The following MELTF variants were observed in gnomAD, a reference collection of about 807,000 sequenced individuals.
MELTF encodes the protein melanotransferrin.
In MELTF, 67 loss-of-function variants were observed where a neutral mutation model predicts 83.7. The ratio of observed to expected loss-of-function variants is 0.80; its 90% CI spans 0.66 to 0.98. The LOEUF is 0.98. Among genes scored for constraint, MELTF ranks in the 50% least tolerant of loss-of-function variants. The pLI is 0.00. For missense variants in MELTF, 1,002 were observed against 1,035.6 expected (o/e 0.97, Z 0.44); for synonymous variants, 462 against 447.6 (o/e 1.03, Z -0.41).
chr3:197,020,276 C>T (rs1438232611), intron 6 of MELTF, among the ~76,000 whole-genome samples: 5 of 152,164 alleles, frequency 3.3e-5, no homozygotes, highest in Non-Finnish European at 7.3e-5. Context: ...AGGTCCTGGT[C>T]TGCAAGAAAT....
chr3:197,017,339 C>G, intron 6 of MELTF, 49 bp from the exon 7 acceptor site: 1 of 1,450,472 alleles, frequency 6.9e-7, no homozygotes, highest in South Asian at 1.4e-5. Context: ...GGGGTTGGGG[C>G]GGGTGGCGGG....
chr3:197,013,113 T>C lies in MELTF; in HGVS notation c.1233+2252A>G, dbSNP rs1401578041. Among the ~76,000 whole-genome samples the C allele has an allele frequency of 2.0e-5, 3 of 152,346 alleles. No individual in the cohort carries two copies. In the East Asian group the frequency reaches 5.8e-4, roughly 29 times the overall value. The stretch of plus-strand genomic sequence containing the variant: ...CTTTGTATGGAACCACAAGGGACCC[T>C]GAATAGCCAAAGCAATCCTAAGCAA... On this transcript the variant is annotated intron_variant, in intron 9 of 15. Transcript: ENST00000296350.
At chr3:197,010,213 G>T (rs1476926249) in intron 10 of MELTF, among the ~76,000 whole-genome samples, 2 of 152,190 alleles carry the variant, frequency 1.3e-5, no homozygotes, top group African/African-American at 4.8e-5. Context: ...GGCCTCTGAG[G>T]TCACCAGTAA....
At chr3:197,012,153 C>A (rs1719209101) in intron 9 of MELTF, among the ~76,000 whole-genome samples, 2 of 152,218 alleles carry the variant, frequency 1.3e-5, no homozygotes, top group South Asian at 4.1e-4. Flanking sequence ...CCGCCTCGGG[C>A]CTGGGCACTC....
intron 6 of MELTF, chr3:197,019,438 G>A (rs1208099875): frequency 1.4e-6 from 2 of 1,410,596 alleles, no homozygotes; most frequent in Admixed American, 2.6e-5. Flanking sequence ...GATTGCCTCA[G>A]ATTACCATCA....
chr3:197,020,487 A>ATG (rs1719575207), intron 6 of MELTF, among the ~76,000 whole-genome samples: 1 of 140,528 alleles, frequency 7.1e-6, no homozygotes, highest in Non-Finnish European at 1.6e-5. Context: ...CAGAACACAC[A>ATG]CGCACACACA....
rs762374262 is a variant in MELTF at position 197,009,610 on chromosome 3, G to A, written c.1525+8C>T. On this transcript the variant is annotated splice_region_variant and intron_variant, in intron 11 of 15. Transcript: ENST00000296350. ...CCCCAGTCTGCGTTCCTAAAAAGGG[G>A]GGGGTACCTGTGAGGACGTCACAGT... 5.6e-6 allele frequency: 9 copies of A among 1,597,110 alleles called. No individual in the cohort carries two copies. Among genetic ancestry groups the A allele is most frequent in the African/African-American group, 2.7e-5 (2 of 74,614 alleles).
intron 9 of MELTF, among the ~76,000 whole-genome samples, chr3:197,012,411 T>C (rs1719218804): frequency 6.6e-6 from 1 of 152,202 alleles, no homozygotes; most frequent in African/African-American, 2.4e-5. Context: ...GCCCTCACTG[T>C]GTGGGGCATA....
At chr3:197,028,185 C>T (rs565824211) in intron 1 of MELTF, 5 of 413,520 alleles carry the variant, frequency 1.2e-5, no homozygotes, top group South Asian at 5.1e-5. Context: ...GTCTACAGGT[C>T]GCTTCTCAGC....
Position 197,007,600 on chromosome 3 carries a change from C to T in MELTF, c.1751-864G>A, listed in dbSNP as rs1469262275. On this transcript the variant is annotated intron_variant, in intron 13 of 15. Transcript: ENST00000296350. This position sits in a 1 kb window ranked among gnomAD's most constrained non-coding sequence, Gnocchi z 4.3. ...ACCAGGCAGGCCCGCTGGGCTCGTG[C>T]AGGAGCACACAGCCCCTCCCTGGGG... Among the ~76,000 whole-genome samples the T allele has an allele frequency of 2.6e-5, 4 of 152,198 alleles. No homozygotes were observed. The highest frequency in any genetic ancestry group is 4.8e-5 in the African/African-American group (2 of 41,450).
rs889974904 is a variant in MELTF at position 197,022,331 on chromosome 3, C to G, written c.644+626G>C. Among the ~76,000 whole-genome samples, 5 of 152,166 alleles carry G rather than the reference C, an allele frequency of 3.3e-5. No individual in the cohort carries two copies. Among genetic ancestry groups the G allele is most frequent in the African/African-American group, 9.7e-5 (4 of 41,424 alleles). On this transcript the variant is annotated intron_variant, in intron 5 of 15. Transcript: ENST00000296350. The surrounding 1 kb of genome is among the most constrained non-coding windows in gnomAD (Gnocchi z 5.1). ...GGACACGGGGAGTGGAGGGGCAAGG[C>G]TGTCCCGCTCAGGGGTGCTGAGGAC...
At chr3:197,005,122 G>A (rs919898801) in intron 14 of MELTF, among the ~76,000 whole-genome samples, 1 of 152,226 alleles carries the variant, frequency 6.6e-6, no homozygotes, top group Admixed American at 6.5e-5. Context: ...AGTCGGGGGA[G>A]GGGGAGTGGT....
intron 4 of MELTF, among the ~76,000 whole-genome samples, 176 bp from the exon 5 acceptor site, chr3:197,023,289 G>A (rs1719705381): frequency 6.6e-6 from 1 of 152,162 alleles, no homozygotes; most frequent in Non-Finnish European, 1.5e-5. Flanking sequence ...CCCCAAACCG[G>A]GTCCACCAAG....
At chr3:197,014,951 A>G (rs1719307211) in intron 9 of MELTF, among the ~76,000 whole-genome samples, 1 of 152,202 alleles carries the variant, frequency 6.6e-6, no homozygotes, top group South Asian at 2.1e-4. Context: ...AAAGAAAAAA[A>G]AAGTCGAACA....
Position 197,003,782 on chromosome 3 carries a change from T to C in MELTF, c.2137+119A>G, listed in dbSNP as rs982368148. On this transcript the variant is annotated intron_variant, in intron 15 of 15. Transcript: ENST00000296350. The surrounding 1 kb of genome is among the most constrained non-coding windows in gnomAD (Gnocchi z 6.2). ...TCCTCCCGGGACACCCCACCTGGAC[T>C]GCTGCGAACGGGCCTCCACCCGCCT... 35 of 1,031,984 alleles carry C rather than the reference T, an allele frequency of 3.4e-5. No homozygotes were observed. Among genetic ancestry groups the C allele is most frequent in the Non-Finnish European group, 4.3e-5 (31 of 724,096 alleles). The allele number at this position is 1,031,984 out of a possible 1,614,324, so 63.9% of individuals were successfully genotyped here. A position where few individuals can be genotyped will look rare whatever the true frequency, so the allele number is the denominator to read the frequency against.
chr3:197,021,852 TTTTCGTTG>T (rs1489077128), intron 5 of MELTF, among the ~76,000 whole-genome samples: 2 of 152,120 alleles, frequency 1.3e-5, no homozygotes, highest in Non-Finnish European at 2.9e-5. Context: ...TGTGTGTTTG[TTTTCGTTG>T]TTTTGTTTTT....
At position 197,008,615 on chromosome 3, in the gene MELTF, T is replaced by TC; in HGVS notation, c.1750+41dup. 6.3e-7 allele frequency: 1 copy of TC among 1,588,070 alleles called. No homozygotes were observed. The highest frequency in any genetic ancestry group is 1.2e-5 in the South Asian group (1 of 86,946). On this transcript the variant is annotated intron_variant, in intron 13 of 15. Transcript: ENST00000296350. This position sits in a 1 kb window ranked among gnomAD's most constrained non-coding sequence, Gnocchi z 5.4. Reference sequence around the variant, plus strand: ...GGATGGTGCTGAAGATGGGGAACAGTCCCCCCGACCTACCTTTGGCCCTGC... The same window carrying TC: ...GGATGGTGCTGAAGATGGGGAACAGTCCCCCCCGACCTACCTTTGGCCCTGC...
intron 11 of MELTF, 105 bp downstream of exon 11, chr3:197,009,513 A>C (rs1719105009): frequency 1.7e-6 from 2 of 1,165,104 alleles, no homozygotes; most frequent in Non-Finnish European, 2.4e-6. Flanking sequence ...CATATGCAGA[A>C]GCCTGGCCAC....
intron 1 of MELTF, 63 bp from the exon 2 acceptor site, chr3:197,027,973 G>A (rs1719934825): frequency 3.3e-6 from 5 of 1,496,650 alleles, no homozygotes; most frequent in Non-Finnish European, 4.5e-6. Flanking sequence ...CCACCATGGA[G>A]GGTGGCTCCA....
Sources: allele counts gnomAD v4.1 joint callset (sites outside exome capture counted in the v4.1 genomes callset), GRCh38; gene constraint gnomAD v4.1.1; non-coding constraint Gnocchi (gnomAD v3.1); transcripts MANE v1.5; gene names NCBI Gene and HGNC (gene_info 2026-07-23, HGNC 2026-07-21).